SLC37A2: variants seen among roughly 807,000 people sequenced by gnomAD.
SLC37A2 encodes glucose-6-phosphate exchanger SLC37A2.
A neutral mutation model predicts 70.7 loss-of-function variants in SLC37A2; 59 were observed. That is an observed-to-expected ratio of 0.83 (90% CI 0.68 to 1.04). SLC37A2 has a LOEUF of 1.04. Among genes scored for constraint, SLC37A2 ranks in the 50% least tolerant of loss-of-function variants. The pLI, the probability that SLC37A2 is intolerant of heterozygous loss-of-function variation, is 0.00. For synonymous variants in SLC37A2, 257 were observed against 262.1 expected, an observed-to-expected ratio of 0.98 and a Z score of 0.19; for missense variants, 580 against 658.1, an observed-to-expected ratio of 0.88 and a Z score of 1.30.
intron 1 of SLC37A2, among the ~76,000 whole-genome samples, chr11:125,070,168 C>T (rs1273043383): frequency 6.6e-6 from 1 of 152,198 alleles, no homozygotes; most frequent in African/African-American, 2.4e-5. Flanking sequence ...AGAGCAGGAG[C>T]TGTGAGCTCC....
intron 1 of SLC37A2, among the ~76,000 whole-genome samples, chr11:125,069,095 A>G (rs760984358): frequency 6.6e-6 from 1 of 152,268 alleles, no homozygotes; most frequent in Non-Finnish European, 1.5e-5. Flanking sequence ...AACACTGAGT[A>G]AACACTAATG....
chr11:125,084,452 C>T, intron 12 of SLC37A2, 133 bp downstream of exon 12: 1 of 941,740 alleles, frequency 1.1e-6, no homozygotes. Flanking sequence ...TCATTGTGCA[C>T]ACACGGGGGA....
At chr11:125,087,633 CTT>C (rs201240101) in intron 17 of SLC37A2, 87 of 140,830 alleles carry the variant, frequency 6.2e-4, no homozygotes, top group East Asian at 8.2e-4. Flanking sequence ...TATTTAATTT[CTT>C]TTTTTTTTTT....
chr11:125,071,086 G>A (rs954301458), intron 1 of SLC37A2, among the ~76,000 whole-genome samples: 1 of 152,174 alleles, frequency 6.6e-6, no homozygotes, highest in African/African-American at 2.4e-5. Context: ...AGTCCCTGAA[G>A]CCCAGGACCT....
At chr11:125,070,657 TG>T (rs1250783515) in intron 1 of SLC37A2, among the ~76,000 whole-genome samples, 1 of 152,334 alleles carries the variant, frequency 6.6e-6, no homozygotes. Flanking sequence ...AAATGAGCTT[TG>T]ATGGGAAGAG....
rs1393362402 is a variant in SLC37A2 at position 125,085,429 on chromosome 11, C to A, written c.1283C>A (p.Ala428Asp). Residue 428 changes from alanine (A) to aspartate (D), a missense_variant, in exon 15 of 18, where the codon GCC (alanine) becomes GAC (aspartate). Transcript: ENST00000403796. ...THKSLKGNAK[A>D]LSTVTAIIDG... ...AAGAGCCTGAAGGGCAACGCCAAAGCCCTGTCCACGGTCACGGCCATCATT... is the reference window on the plus strand; with the variant it reads ...AAGAGCCTGAAGGGCAACGCCAAAGACCTGTCCACGGTCACGGCCATCATT... 6.2e-7 allele frequency: 1 copy of A among 1,614,020 alleles called. No individual in the cohort carries two copies. Among genetic ancestry groups the A allele is most frequent in the Admixed American group, 1.7e-5 (1 of 60,022 alleles).
At position 125,083,422 on chromosome 11, in the gene SLC37A2, A is replaced by G. The variant is rs75411409; in HGVS notation, c.977-393A>G. The G allele has an allele frequency of 0.023, 4,297 of 189,646 alleles. 215 individuals are homozygous for G. The highest frequency in any genetic ancestry group is 0.095 in the African/African-American group (4,061 of 42,684). The allele number at this position is 189,646 out of a possible 1,614,324, so 11.7% of individuals were successfully genotyped here. On this transcript the variant is annotated intron_variant, in intron 10 of 17. Transcript: ENST00000403796. The surrounding 1 kb of genome is among the most constrained non-coding windows in gnomAD (Gnocchi z 4.6). Reference sequence around the variant, plus strand: ...CTGGCTCTGTGTATGAGCACAGCCTAAGGTAAACGGGAAGAGTTCCTAGTG... The same window carrying G: ...CTGGCTCTGTGTATGAGCACAGCCTGAGGTAAACGGGAAGAGTTCCTAGTG...
intron 1 of SLC37A2, among the ~76,000 whole-genome samples, chr11:125,075,171 C>T (rs905316082): frequency 4.6e-5 from 7 of 152,230 alleles, no homozygotes; most frequent in South Asian, 2.1e-4. Flanking sequence ...GCGTCCCAGG[C>T]GGGGCTTGGT....
At chr11:125,072,376 G>A (rs1174961360) in intron 1 of SLC37A2, among the ~76,000 whole-genome samples, 1 of 152,180 alleles carries the variant, frequency 6.6e-6, no homozygotes, top group Non-Finnish European at 1.5e-5. Flanking sequence ...CCGGTGGGGG[G>A]GAGGTGGGAT....
rs967664216 is a variant in SLC37A2 at position 125,080,931 on chromosome 11, T to C, written c.694+151T>C. 6 of 532,968 alleles carry C rather than the reference T, an allele frequency of 1.1e-5. No homozygotes were observed. Among genetic ancestry groups the C allele is most frequent in the Non-Finnish European group, 1.7e-5 (6 of 344,576 alleles). The allele number at this position is 532,968 out of a possible 1,614,324, so 33.0% of individuals were successfully genotyped here. A position where few individuals can be genotyped will look rare whatever the true frequency, so the allele number is the denominator to read the frequency against. On this transcript the variant is annotated intron_variant, in intron 7 of 17. Transcript: ENST00000403796. The surrounding 1 kb of genome is among the most constrained non-coding windows in gnomAD (Gnocchi z 4.3). ...ATCTTTCAGAGCCTTTATTTTCTCA[T>C]TTGTAAAATAATAATAGTAATAATA...
chr11:125,065,611 GT>G (rs1948972942), intron 1 of SLC37A2, among the ~76,000 whole-genome samples: 1 of 152,176 alleles, frequency 6.6e-6, no homozygotes, highest in Admixed American at 6.5e-5. Flanking sequence ...TTCTTGGGAG[GT>G]TTTTCTTAGT....
intron 16 of SLC37A2, 27 bp downstream of exon 16, chr11:125,085,701 G>GAC: frequency 6.2e-7 from 1 of 1,604,692 alleles, no homozygotes; most frequent in East Asian, 2.2e-5. Flanking sequence ...ACACAGATAG[G>GAC]TATTGAGGGA....
At chr11:125,069,600 G>T (rs1224469936) in intron 1 of SLC37A2, among the ~76,000 whole-genome samples, 2 of 152,234 alleles carry the variant, frequency 1.3e-5, no homozygotes, top group African/African-American at 4.8e-5. Context: ...TCTTTGACTT[G>T]GATCTGGAGG....
chr11:125,076,939 TC>T, intron 2 of SLC37A2, 101 bp downstream of exon 2: 1 of 1,129,132 alleles, frequency 8.9e-7, no homozygotes, highest in Non-Finnish European at 1.3e-6. Flanking sequence ...CCTGGCAGGC[TC>T]CCACTCTCAG....
In SLC37A2 at chr11:125,080,545, C is replaced by A; in HGVS notation, c.528-69C>A. 1 of 1,343,120 alleles carries A rather than the reference C, an allele frequency of 7.4e-7. No individual in the cohort carries two copies. Among genetic ancestry groups the A allele is most frequent in the Non-Finnish European group, 9.7e-7 (1 of 1,026,838 alleles). 83.2% of individuals were successfully genotyped at this position (1,343,120 alleles called of 1,614,324 possible). A position where few individuals can be genotyped will look rare whatever the true frequency, so the allele number is the denominator to read the frequency against. ...GCCCAGCTTTAGAGCTTGGCTGGGG[C>A]AGTTGCTATGAACAATGTGCTTTGC... On this transcript the variant is annotated intron_variant, in intron 6 of 17. Coordinates refer to ENST00000403796, the MANE Select transcript of SLC37A2 (RefSeq NM_001145290.2). The surrounding 1 kb of genome is among the most constrained non-coding windows in gnomAD (Gnocchi z 4.3).
chr11:125,088,228 G>C lies in SLC37A2; in HGVS notation c.*94G>C. On this transcript the variant is annotated 3_prime_UTR_variant, in exon 18 of 18. Transcript: ENST00000403796. The stretch of plus-strand genomic sequence containing the variant: ...AATGGAAACTTCCACAAGCAGGGAA[G>C]GCAAACCCTCTTTATTGAACATTAG... The C allele has an allele frequency of 1.4e-6, 2 of 1,404,070 alleles. No homozygotes were observed. The highest frequency in any genetic ancestry group is 2.5e-5 in the East Asian group (1 of 40,088). The allele number at this position is 1,404,070 out of a possible 1,614,324, so 87.0% of individuals were successfully genotyped here. A position where few individuals can be genotyped will look rare whatever the true frequency, so the allele number is the denominator to read the frequency against.
At chr11:125,070,084 T>A (rs1420278808) in intron 1 of SLC37A2, among the ~76,000 whole-genome samples, 1 of 152,158 alleles carries the variant, frequency 6.6e-6, no homozygotes, top group East Asian at 1.9e-4. Context: ...AAGAAGAGCC[T>A]GTGGGAGGAA....
At position 125,084,262 on chromosome 11, in the gene SLC37A2, C is replaced by T. The variant is rs1044414586; in HGVS notation, c.1068C>T (p.Asp356=). The T allele has an allele frequency of 5.6e-6, 9 of 1,614,124 alleles. No homozygotes were observed. Among genetic ancestry groups the T allele is most frequent in the Non-Finnish European group, 7.6e-6 (9 of 1,180,052 alleles). ...GCATCGTGGCAGGGCTCGTCTCTGA[C>T]TACACCAATGGCAGGGCCACCACTT... is the stretch of plus-strand genomic sequence containing the variant. ...IGGIVAGLVS[D]YTNGRATTCC... is the part of the protein sequence containing the mutation. Residue 356 remains aspartate, a synonymous_variant, in exon 12 of 18, where the codon GAC becomes GAT. Coordinates refer to ENST00000403796, the MANE Select transcript of SLC37A2 (RefSeq NM_001145290.2).
chr11:125,084,379 C>T, intron 12 of SLC37A2, 60 bp downstream of exon 12: 1 of 1,554,292 alleles, frequency 6.4e-7, no homozygotes, highest in South Asian at 1.1e-5. Flanking sequence ...GTGTGGGCCT[C>T]TGGCCTATGT....
Sources: allele counts gnomAD v4.1 joint callset (sites outside exome capture counted in the v4.1 genomes callset), GRCh38; gene constraint gnomAD v4.1.1; non-coding constraint Gnocchi (gnomAD v3.1); transcripts MANE v1.5; gene names NCBI Gene and HGNC (gene_info 2026-07-23, HGNC 2026-07-21).